The following SLAMF6 variants were observed in gnomAD, a reference collection of about 807,000 sequenced individuals.
The protein encoded by SLAMF6 is SLAM family member 6.
In SLAMF6, 21 loss-of-function variants were observed where a neutral mutation model predicts 38.3. The ratio of observed to expected loss-of-function variants is 0.55; its 90% CI spans 0.39 to 0.79. The LOEUF is 0.79. Ranked by LOEUF, SLAMF6 falls within the 30% of genes least tolerant of loss-of-function variation. The pLI is 0.00. For synonymous variants in SLAMF6, 152 were observed against 146.3 expected (o/e 1.04, Z -0.28); for missense variants, 341 against 385.3 (o/e 0.89, Z 0.96).
intron 2 of SLAMF6, among the ~76,000 whole-genome samples, chr1:160,492,933 T>C (rs1284035725): frequency 1.3e-5 from 2 of 152,206 alleles, no homozygotes; most frequent in Admixed American, 6.5e-5. Context: ...GCATCAACTC[T>C]TGTTTGGACT....
chr1:160,503,398 C>A (rs1469972622), intron 1 of SLAMF6, among the ~76,000 whole-genome samples: 1 of 151,822 alleles, frequency 6.6e-6, no homozygotes, highest in African/African-American at 2.4e-5. Context: ...AAAGTGATTG[C>A]GGATTTTGCC....
chr1:160,491,014 G>C, intron 3 of SLAMF6, 111 bp downstream of exon 3: 1 of 1,374,982 alleles, frequency 7.3e-7, no homozygotes, highest in Non-Finnish European at 1.0e-6. Context: ...TCCCCTCCCA[G>C]CAGCATTTTC....
At chr1:160,501,279 C>T (rs148097437) in intron 1 of SLAMF6, among the ~76,000 whole-genome samples, 1 of 152,092 alleles carries the variant, frequency 6.6e-6, no homozygotes, top group Non-Finnish European at 1.5e-5. Context: ...GATAGAGGAG[C>T]CTGACAGGTA....
chr1:160,499,396 T>G (rs1653763467), intron 1 of SLAMF6, among the ~76,000 whole-genome samples: 1 of 152,092 alleles, frequency 6.6e-6, no homozygotes, highest in African/African-American at 2.4e-5. Context: ...TCTGAGTTTT[T>G]TGTTCTCTTC....
At chr1:160,491,844 T>C (rs1248428121) in intron 2 of SLAMF6, among the ~76,000 whole-genome samples, 2 of 152,148 alleles carry the variant, frequency 1.3e-5, no homozygotes, top group Non-Finnish European at 2.9e-5. Context: ...CAGAATTACC[T>C]AATTGGGGTG....
intron 1 of SLAMF6, among the ~76,000 whole-genome samples, chr1:160,515,905 A>G (rs1654717074): frequency 6.6e-6 from 1 of 152,208 alleles, no homozygotes; most frequent in South Asian, 2.1e-4. Context: ...ATTATACTGA[A>G]TGGGCAAAAC....
chr1:160,510,635 T>C (rs912511711), intron 1 of SLAMF6, among the ~76,000 whole-genome samples: 1 of 152,116 alleles, frequency 6.6e-6, no homozygotes, highest in Admixed American at 6.5e-5. Context: ...AACATTTTAC[T>C]CAAGGATAAA....
Position 160,503,575 on chromosome 1 carries a change from T to G in SLAMF6, c.50-7182A>C, listed in dbSNP as rs139785363. 6.4e-3 allele frequency among the ~76,000 whole-genome samples: 980 copies of G among 152,088 alleles called. 11 individuals are homozygous for G. Among genetic ancestry groups the G allele is most frequent in the African/African-American group, 0.022 (919 of 41,474 alleles). ...GGTGTGGCATCAAAGGGGAGAGGGATTTCAGGGGAATGGTGACTACTTTGT... is the reference window on the plus strand; with the variant it reads ...GGTGTGGCATCAAAGGGGAGAGGGAGTTCAGGGGAATGGTGACTACTTTGT... On this transcript the variant is annotated intron_variant, in intron 1 of 7. Transcript: ENST00000368057.
Position 160,487,115 on chromosome 1 carries a change from G to T in SLAMF6, c.940C>A (p.His314Asn), listed in dbSNP as rs1653007040. The change falls in exon 7 of 8, where the codon CAT (histidine) becomes AAT (asparagine). Residue 314 changes from histidine to asparagine, a missense_variant. Transcript: ENST00000368057. ...DTITIYSTIN[H>N]SKESKPTFSR... ...AATCGTGGGCTTACCTCTTTGGAAT[G>T]ATTAATTGTGGAGTAAATTGTGATA... The T allele has an allele frequency of 1.2e-6, 2 of 1,612,386 alleles. No homozygotes were observed. Among genetic ancestry groups the T allele is most frequent in the Non-Finnish European group, 1.7e-6 (2 of 1,178,676 alleles).
intron 1 of SLAMF6, among the ~76,000 whole-genome samples, chr1:160,505,909 G>C (rs1654162270): frequency 6.6e-6 from 1 of 152,070 alleles, no homozygotes; most frequent in Non-Finnish European, 1.5e-5. Flanking sequence ...CTCTGTGTAG[G>C]CAGAAGTAAG....
chr1:160,513,043 A>T (rs984772238), intron 1 of SLAMF6, among the ~76,000 whole-genome samples: 2 of 152,212 alleles, frequency 1.3e-5, no homozygotes, highest in Non-Finnish European at 2.9e-5. Context: ...AGGCTTCAGA[A>T]GGTGGGTAAT....
In SLAMF6 at chr1:160,508,963, C is replaced by T. The variant is rs146600286; in HGVS notation, c.50-12570G>A. 9.3e-3 allele frequency among the ~76,000 whole-genome samples: 1,423 copies of T among 152,322 alleles called. 29 individuals carry two copies. The highest frequency in any genetic ancestry group is 0.033 in the African/African-American group (1,355 of 41,552). On this transcript the variant is annotated intron_variant, in intron 1 of 7. Coordinates refer to ENST00000368057, the MANE Select transcript of SLAMF6 (RefSeq NM_001184714.2). Reference sequence around the variant, plus strand: ...CCAAAATCACAATGAGATACCATCTCACACCAGTTAGAATGGCTATCATTA... The same window carrying T: ...CCAAAATCACAATGAGATACCATCTTACACCAGTTAGAATGGCTATCATTA...
At chr1:160,503,323 A>C (rs779521252) in intron 1 of SLAMF6, among the ~76,000 whole-genome samples, 24 of 151,930 alleles carry the variant, frequency 1.6e-4, no homozygotes, top group Non-Finnish European at 2.9e-4. Flanking sequence ...GTGAGGAGGA[A>C]TTGGCCAAGC....
At chr1:160,488,044 T>C (rs1653060829) in intron 6 of SLAMF6, among the ~76,000 whole-genome samples, 1 of 151,494 alleles carries the variant, frequency 6.6e-6, no homozygotes, top group African/African-American at 2.4e-5. Context: ...TGAGCTGTGA[T>C]TGTGCTACTG....
At position 160,490,212 on chromosome 1, in the gene SLAMF6, C is replaced by T. The variant is rs149372302; in HGVS notation, c.782G>A (p.Arg261Gln). 1,057 of 1,613,664 alleles carry T rather than the reference C, an allele frequency of 6.6e-4. 12 individuals are homozygous for T. The South Asian group carries it at 8.5e-3, about 13-fold the overall frequency. ...TGAATGCTCACCGGGGCCCTGTGTT[C>T]GCTGAGTAGACAAAGATAGGGAATC... is the stretch of plus-strand genomic sequence containing the variant. The part of the protein sequence containing the change: ...RRDSLSLSTQ[R>Q]TQGPAESARN... The change falls in exon 5 of 8, where the codon CGA becomes CAA. Residue 261 changes from arginine (R) to glutamine (Q), a missense_variant. Transcript: ENST00000368057.
chr1:160,490,208 T>C lies in SLAMF6; in HGVS notation c.786A>G (p.Thr262=). The C allele has an allele frequency of 6.2e-7, 1 of 1,613,790 alleles. No individual in the cohort carries two copies. The part of the protein sequence containing the change: ...RDSLSLSTQR[T]QGPAESARNL... Reference sequence around the variant, plus strand: ...AGTCTGAATGCTCACCGGGGCCCTGTGTTCGCTGAGTAGACAAAGATAGGG... The same window carrying C: ...AGTCTGAATGCTCACCGGGGCCCTGCGTTCGCTGAGTAGACAAAGATAGGG... The change falls in exon 5 of 8, where the codon ACA becomes ACG. Residue 262 remains threonine, a synonymous_variant. Transcript: ENST00000368057.
At chr1:160,502,268 C>T (rs766450044) in intron 1 of SLAMF6, among the ~76,000 whole-genome samples, 5 of 152,160 alleles carry the variant, frequency 3.3e-5, no homozygotes, top group Non-Finnish European at 7.3e-5. Context: ...GGGAAAGATG[C>T]CTCATGTTGG....
At position 160,513,811 on chromosome 1, in the gene SLAMF6, C is replaced by A. The variant is rs143380819; in HGVS notation, c.49+9333G>T. Among the ~76,000 whole-genome samples, 19 of 152,228 alleles carry A rather than the reference C, an allele frequency of 1.2e-4. No individual in the cohort carries two copies. In the East Asian group the frequency reaches 3.7e-3, roughly 29 times the overall value. ...AAAATATTTTTCAGACAATCAAATG[C>A]TGAGGGAATTCATCCACCACCAGGC... On this transcript the variant is annotated intron_variant, in intron 1 of 7. Transcript: ENST00000368057.
chr1:160,491,639 C>G (rs1166940007), intron 2 of SLAMF6, among the ~76,000 whole-genome samples: 1 of 152,104 alleles, frequency 6.6e-6, no homozygotes, highest in Non-Finnish European at 1.5e-5. Flanking sequence ...ACTGAGGTTT[C>G]CATCAACTAG....
Sources: allele counts gnomAD v4.1 joint callset (sites outside exome capture counted in the v4.1 genomes callset), GRCh38; gene constraint gnomAD v4.1.1; transcripts MANE v1.5; gene names NCBI Gene and HGNC (gene_info 2026-07-23, HGNC 2026-07-21).